The following WWP1 variants were observed in gnomAD, a reference collection of about 807,000 sequenced individuals.
WWP1 encodes the protein WW domain containing E3 ubiquitin protein ligase 1, also known as NEDD4-like E3 ubiquitin-protein ligase WWP1.
A neutral mutation model predicts 130.6 loss-of-function variants in WWP1; 49 were observed. The ratio of observed to expected loss-of-function variants is 0.38; its 90% CI spans 0.30 to 0.48. The LOEUF (loss-of-function observed/expected upper bound fraction) is 0.48. Among genes scored for constraint, WWP1 ranks in the 20% least tolerant of loss-of-function variants. The pLI is 0.99. For missense variants in WWP1, 809 were observed against 1,100.6 expected, an observed-to-expected ratio of 0.74 and a Z score of 3.75; for synonymous variants, 332 against 367.8, an observed-to-expected ratio of 0.90 and a Z score of 1.11.
chr8:86,371,025 C>T (rs894690051), intron 2 of WWP1, among the ~76,000 whole-genome samples: 1 of 150,046 alleles, frequency 6.7e-6, no homozygotes, highest in African/African-American at 2.4e-5. Flanking sequence ...GCCACCTCGC[C>T]TGGCTAATTT....
intron 3 of WWP1, 110 bp from the exon 4 acceptor site, chr8:86,380,616 G>A (rs778983748): frequency 5.9e-6 from 7 of 1,196,104 alleles, no homozygotes; most frequent in Admixed American, 6.4e-5. Context: ...TTCTGCCAAC[G>A]AGAAGAGTTC....
chr8:86,438,134 G>A (rs1810400974), intron 16 of WWP1, among the ~76,000 whole-genome samples: 1 of 152,124 alleles, frequency 6.6e-6, no homozygotes, highest in East Asian at 1.9e-4. Flanking sequence ...GTAAGCTAGA[G>A]AAAAGAAAAT....
intron 9 of WWP1, 30 bp from the exon 10 acceptor site, chr8:86,425,193 C>G (rs988329811): frequency 6.3e-7 from 1 of 1,575,464 alleles, no homozygotes; most frequent in African/African-American, 1.4e-5. Context: ...TGTGTTGTCT[C>G]TTACTGTTAT....
intron 1 of WWP1, among the ~76,000 whole-genome samples, chr8:86,363,658 C>T (rs921497506): frequency 2.6e-5 from 4 of 151,602 alleles, no homozygotes; most frequent in South Asian, 2.1e-4. Flanking sequence ...ACAAATTAGC[C>T]GGGTGTGGGC....
At position 86,374,014 on chromosome 8, in the gene WWP1, C is replaced by T. The variant is rs781215320; in HGVS notation, c.-21-16C>T. The T allele has an allele frequency of 5.8e-6, 9 of 1,563,828 alleles. No homozygotes were observed. The highest frequency in any genetic ancestry group is 2.4e-5 in the South Asian group (2 of 84,114). On this transcript the variant is annotated splice_polypyrimidine_tract_variant and intron_variant, in intron 2 of 24. Coordinates refer to ENST00000517970, the MANE Select transcript of WWP1 (RefSeq NM_007013.4). ...TCTTATCTAACACATGAATAAATTC[C>T]CCTTTTTTAAAATAGGTTTTAGCTG... is the stretch of plus-strand genomic sequence containing the variant.
At chr8:86,460,053 G>T (rs773850604) in intron 22 of WWP1, among the ~76,000 whole-genome samples, 1 of 152,154 alleles carries the variant, frequency 6.6e-6, no homozygotes, top group Admixed American at 6.5e-5. Flanking sequence ...CTCTTAATCT[G>T]CTCCCTATGT....
chr8:86,423,541 G>A (rs1376311815), intron 9 of WWP1, among the ~76,000 whole-genome samples: 1 of 152,144 alleles, frequency 6.6e-6, no homozygotes, highest in African/African-American at 2.4e-5. Context: ...AGGGTTGGGG[G>A]CAAGGTCATA....
intron 9 of WWP1, among the ~76,000 whole-genome samples, chr8:86,423,829 G>A (rs568869897): frequency 0.011 from 1,490 of 138,256 alleles, 32 homozygotes; most frequent in African/African-American, 0.037. Flanking sequence ...CCCACCTCCC[G>A]GACGGGGCGG....
intron 7 of WWP1, 140 bp downstream of exon 7, chr8:86,398,778 T>A: frequency 1.2e-6 from 1 of 846,120 alleles, no homozygotes; most frequent in East Asian, 2.7e-5. Flanking sequence ...TGGTTAATTC[T>A]TGTGAAAGTA....
rs1234436551 is a variant in WWP1, at chr8:86,398,264, T to A, written c.335-78T>A. 3 of 1,459,746 alleles carry A rather than the reference T, an allele frequency of 2.1e-6. No homozygotes were observed. In the African/African-American group the frequency reaches 4.2e-5, roughly 21 times the overall value. The allele number at this position is 1,459,746 out of a possible 1,614,324, so 90.4% of individuals were successfully genotyped here. On this transcript the variant is annotated intron_variant, in intron 5 of 24. Transcript: ENST00000517970. ...ATGTCAAGTACTGAATTAGAGTGAT[T>A]CTTGAAATGTAGGTTTGATTTCTGA...
chr8:86,429,540 T>A (rs778009356), intron 11 of WWP1, among the ~76,000 whole-genome samples: 2 of 152,214 alleles, frequency 1.3e-5, no homozygotes, highest in Non-Finnish European at 2.9e-5. Context: ...TCAGAATATA[T>A]TTCTAGGTTA....
chr8:86,394,925 G>A (rs1031682175), intron 5 of WWP1, among the ~76,000 whole-genome samples: 7 of 87,068 alleles, frequency 8.0e-5, no homozygotes, highest in African/African-American at 2.9e-4. Flanking sequence ...GTAGAGGGCT[G>A]TTCTTCTTAA....
intron 1 of WWP1, among the ~76,000 whole-genome samples, chr8:86,357,268 T>C (rs1823318073): frequency 2.0e-5 from 3 of 152,224 alleles, no homozygotes; most frequent in African/African-American, 7.2e-5. Context: ...TAGAACTGTT[T>C]GTTGTCTAAA....
chr8:86,407,503 C>G (rs1212948164), intron 8 of WWP1, among the ~76,000 whole-genome samples: 1 of 152,108 alleles, frequency 6.6e-6, no homozygotes, highest in African/African-American at 2.4e-5. Context: ...AATATCTTAC[C>G]TTCTCCTAGT....
At chr8:86,393,207 GTATT>G (rs547856883) in intron 5 of WWP1, among the ~76,000 whole-genome samples, 428 of 150,906 alleles carry the variant, frequency 2.8e-3, no homozygotes, top group African/African-American at 9.8e-3. Context: ...TTTTTAATTT[GTATT>G]TATTTATTTT....
chr8:86,350,053 G>A (rs1304158029), intron 1 of WWP1, among the ~76,000 whole-genome samples: 1 of 152,050 alleles, frequency 6.6e-6, no homozygotes, highest in African/African-American at 2.4e-5. Flanking sequence ...CTTGGGATAA[G>A]CTACTCTTCC....
intron 14 of WWP1, 53 bp downstream of exon 14, chr8:86,431,796 A>T (rs1371111103): frequency 1.3e-6 from 2 of 1,595,902 alleles, no homozygotes; most frequent in African/African-American, 2.7e-5. Context: ...AGCACATGAG[A>T]TTTAGTCTCT....
intron 1 of WWP1, among the ~76,000 whole-genome samples, chr8:86,360,204 T>C (rs1350468640): frequency 6.6e-6 from 1 of 152,172 alleles, no homozygotes; most frequent in African/African-American, 2.4e-5. Flanking sequence ...CTTATGTTTC[T>C]CTTTGATAGT....
In WWP1 at chr8:86,461,233, G is replaced by A. The variant is rs368913513; in HGVS notation, c.2509G>A (p.Glu837Lys). ...TTTAATTTCATTACAGTTTGTGAAA[G>A]AGACAGACAATGAAGTAAGAATGCG... ...QIIWFWQFVK[E>K]TDNEVRMRLL... is the part of the protein sequence containing the mutation. The change falls in exon 23 of 25, where the codon GAG becomes AAG. Residue 837 changes from glutamate to lysine, a missense_variant. By Grantham distance (56) the Glu-to-Lys change is moderately conservative. Transcript: ENST00000517970. 4 of 1,613,648 alleles carry A rather than the reference G, an allele frequency of 2.5e-6. No individual in the cohort carries two copies. In the African/African-American group the frequency reaches 5.3e-5, roughly 22 times the overall value.
Sources: allele counts gnomAD v4.1 joint callset (sites outside exome capture counted in the v4.1 genomes callset), GRCh38; gene constraint gnomAD v4.1.1; transcripts MANE v1.5; gene names NCBI Gene and HGNC (gene_info 2026-07-23, HGNC 2026-07-21).